The following DNM3 variants were observed in gnomAD, a reference collection of about 807,000 sequenced individuals.
The protein encoded by DNM3 is dynamin-3.
Under a neutral mutation model 101.6 loss-of-function variants are expected in DNM3, and 47 were observed. That is an observed-to-expected ratio of 0.46 (90% CI 0.37 to 0.59). The LOEUF is 0.59. DNM3 is among the 20% of genes least tolerant of loss of function. The pLI is 0.00. For missense variants in DNM3, 849 were observed against 1,085.7 expected (o/e 0.78, Z 3.06); for synonymous variants, 385 against 387.9 (o/e 0.99, Z 0.09).
chr1:172,013,611 G>A (rs2047263326), intron 4 of DNM3, among the ~76,000 whole-genome samples: 1 of 152,012 alleles, frequency 6.6e-6, no homozygotes, highest in Non-Finnish European at 1.5e-5. Flanking sequence ...CACAAAGAAA[G>A]GGCTCTGAGT....
chr1:172,045,951 T>C (rs1055084734), intron 9 of DNM3, among the ~76,000 whole-genome samples: 1 of 152,210 alleles, frequency 6.6e-6, no homozygotes, highest in Non-Finnish European at 1.5e-5. Context: ...AGACAATCTG[T>C]TGGTGGGACT....
At chr1:172,084,424 AT>A (rs1489228470) in intron 12 of DNM3, among the ~76,000 whole-genome samples, 7 of 152,184 alleles carry the variant, frequency 4.6e-5, no homozygotes, top group African/African-American at 1.4e-4. Flanking sequence ...TCACTGGAAT[AT>A]TTTTTAGCTG....
intron 17 of DNM3, among the ~76,000 whole-genome samples, chr1:172,333,536 G>T (rs2066283407): frequency 1.3e-5 from 2 of 152,048 alleles, no homozygotes; most frequent in Admixed American, 1.3e-4. Context: ...TAAGCAAAGA[G>T]AACTAGCACA....
intron 16 of DNM3, chr1:172,310,168 T>G (rs370166815): frequency 6.6e-6 from 1 of 152,376 alleles, no homozygotes; most frequent in Non-Finnish European, 1.5e-5. Flanking sequence ...TCATTAAACA[T>G]CAGAGTACCA....
intron 18 of DNM3, among the ~76,000 whole-genome samples, chr1:172,383,782 A>C (rs2069046142): frequency 6.6e-6 from 1 of 152,220 alleles, no homozygotes; most frequent in Non-Finnish European, 1.5e-5. Flanking sequence ...ACATTCCTTT[A>C]CACTGAGCAG....
At chr1:171,974,173 T>G (rs1049741918) in intron 2 of DNM3, among the ~76,000 whole-genome samples, 2 of 152,182 alleles carry the variant, frequency 1.3e-5, no homozygotes, top group African/African-American at 4.8e-5. Context: ...TACTAAGTAT[T>G]ATTAAATAAT....
intron 13 of DNM3, among the ~76,000 whole-genome samples, chr1:172,114,360 A>G (rs1460442910): frequency 1.3e-5 from 2 of 152,180 alleles, no homozygotes; most frequent in Non-Finnish European, 2.9e-5. Flanking sequence ...GAGTGGAAAG[A>G]GATTAGGCTG....
At chr1:172,108,208 G>T (rs2055207865) in intron 13 of DNM3, among the ~76,000 whole-genome samples, 1 of 151,670 alleles carries the variant, frequency 6.6e-6, no homozygotes, top group African/African-American at 2.4e-5. Context: ...TAATCTTAGG[G>T]TCTCAGATTT....
chr1:172,193,310 TC>T (rs2059810079), intron 14 of DNM3, among the ~76,000 whole-genome samples: 1 of 152,172 alleles, frequency 6.6e-6, no homozygotes, highest in Non-Finnish European at 1.5e-5. Flanking sequence ...GGGATATTGG[TC>T]TAAAATTATC....
At chr1:171,870,716 C>A (rs1020061376) in intron 1 of DNM3, among the ~76,000 whole-genome samples, 1 of 151,848 alleles carries the variant, frequency 6.6e-6, no homozygotes, top group African/African-American at 2.4e-5. Context: ...TGACACAAAA[C>A]AATAAAAAAA....
At chr1:172,147,938 T>C (rs188394325) in intron 14 of DNM3, among the ~76,000 whole-genome samples, 16 of 152,266 alleles carry the variant, frequency 1.1e-4, no homozygotes, top group African/African-American at 3.6e-4. Context: ...AATCCATTCA[T>C]GTACAACGTA....
At chr1:172,377,215 A>C (rs561463117) in intron 17 of DNM3, among the ~76,000 whole-genome samples, 1 of 112,158 alleles carries the variant, frequency 8.9e-6, no homozygotes, top group Non-Finnish European at 2.1e-5. Flanking sequence ...AACAAATTTC[A>C]GTTCTCAGAG....
chr1:171,939,081 T>TC (rs1039392994), intron 2 of DNM3, among the ~76,000 whole-genome samples: 15 of 152,146 alleles, frequency 9.9e-5, no homozygotes, highest in African/African-American at 1.4e-4. Context: ...TTACTTTTTT[T>TC]CCTTGGCTTA....
intron 17 of DNM3, among the ~76,000 whole-genome samples, chr1:172,346,076 T>TCGTG (rs2066917609): frequency 7.1e-6 from 1 of 140,132 alleles, no homozygotes; most frequent in Admixed American, 7.5e-5. Context: ...TGAGCCGAGA[T>TCGTG]CGTGCCACTG....
At chr1:172,172,110 A>G (rs1433696316) in intron 14 of DNM3, among the ~76,000 whole-genome samples, 1 of 151,662 alleles carries the variant, frequency 6.6e-6, no homozygotes, top group Non-Finnish European at 1.5e-5. Flanking sequence ...GTAACAGGGA[A>G]AGGGTAGAGA....
chr1:171,933,107 G>A (rs550939185), intron 2 of DNM3, among the ~76,000 whole-genome samples: 1 of 152,180 alleles, frequency 6.6e-6, no homozygotes, highest in East Asian at 1.9e-4. Context: ...CAGTCTTTCA[G>A]GTACCTCAAA....
intron 15 of DNM3, among the ~76,000 whole-genome samples, chr1:172,290,921 G>A (rs2063886621): frequency 6.6e-6 from 1 of 152,174 alleles, no homozygotes; most frequent in South Asian, 2.1e-4. Flanking sequence ...GTAGCAGTGT[G>A]GGAGTCAGGC....
intron 2 of DNM3, among the ~76,000 whole-genome samples, chr1:171,954,766 G>C (rs2042747662): frequency 6.6e-6 from 1 of 152,194 alleles, no homozygotes; most frequent in Admixed American, 6.5e-5. Flanking sequence ...GATTTTTAAT[G>C]AAAACATATT....
At chr1:172,075,815 A>G (rs555393592) in intron 11 of DNM3, among the ~76,000 whole-genome samples, 10 of 152,300 alleles carry the variant, frequency 6.6e-5, no homozygotes, top group South Asian at 2.1e-4. Flanking sequence ...TTGGTTTCAT[A>G]TGAAATTTAA....
Sources: allele counts gnomAD v4.1 joint callset (sites outside exome capture counted in the v4.1 genomes callset), GRCh38; gene constraint gnomAD v4.1.1; transcripts MANE v1.5; gene names NCBI Gene and HGNC (gene_info 2026-07-23, HGNC 2026-07-21).